Variants in EPM2A observed in about 807,000 individuals in gnomAD.
EPM2A encodes the protein EPM2A glucan phosphatase, laforin, also known as laforin.
A neutral mutation model predicts 26.5 loss-of-function variants in EPM2A; 21 were observed. The observed-to-expected ratio is 0.79, with a 90% CI of 0.56 to 1.14. The LOEUF (loss-of-function observed/expected upper bound fraction) is 1.14, where lower values mean the gene tolerates loss of function less well. Among genes scored for constraint, EPM2A ranks in the 50% most tolerant of loss-of-function variants. The pLI is 0.00. For synonymous variants in EPM2A, 217 were observed against 177.6 expected, an observed-to-expected ratio of 1.22 and a Z score of -1.76; for missense variants, 458 against 440.8, an observed-to-expected ratio of 1.04 and a Z score of -0.35.
intron 1 of EPM2A, among the ~76,000 whole-genome samples, chr6:145,700,731 C>G (rs752107743): frequency 6.6e-4 from 101 of 152,242 alleles, no homozygotes; most frequent in South Asian, 1.4e-3. Context: ...CATTTAATTC[C>G]ATCCTAACCC....
At chr6:145,428,792 A>T (rs1015346344) in intron 4 of EPM2A, among the ~76,000 whole-genome samples, 1 of 152,246 alleles carries the variant, frequency 6.6e-6, no homozygotes, top group Admixed American at 6.5e-5. Context: ...TATCTTCTTC[A>T]TCGCACAGTA....
chr6:145,435,086 C>G (rs992224414), intron 4 of EPM2A, among the ~76,000 whole-genome samples: 6 of 152,122 alleles, frequency 3.9e-5, no homozygotes, highest in African/African-American at 4.8e-5. Context: ...GATACTGGCC[C>G]CATGCTTGTA....
At chr6:145,648,743 A>G (rs1169873733) in intron 2 of EPM2A, among the ~76,000 whole-genome samples, 1 of 152,234 alleles carries the variant, frequency 6.6e-6, no homozygotes, top group East Asian at 1.9e-4. Context: ...AGGTTTAGGA[A>G]TCACTGATTC....
rs563073271 is a variant in EPM2A, at chr6:145,417,536, C to T, written c.556-33439G>A. On this transcript the variant is annotated intron_variant, in intron 4 of 4. Transcript: ENST00000638717. Reference sequence around the variant, plus strand: ...TATGCAGGCAGGAAAAATAACCCTCCCAGAAAAGAACTTTAAGATGAAATT... The same window carrying T: ...TATGCAGGCAGGAAAAATAACCCTCTCAGAAAAGAACTTTAAGATGAAATT... 2.6e-4 allele frequency among the ~76,000 whole-genome samples: 39 copies of T among 152,150 alleles called. 1 individual carries two copies. In the South Asian group the frequency reaches 7.5e-3, roughly 29 times the overall value.
chr6:145,599,299 T>C (rs923558444), intron 2 of EPM2A, among the ~76,000 whole-genome samples: 1 of 152,236 alleles, frequency 6.6e-6, no homozygotes, highest in Non-Finnish European at 1.5e-5. Flanking sequence ...TCTTTCATAA[T>C]TTCTTCCTCA....
chr6:145,579,865 T>G (rs1242461909), intron 2 of EPM2A, among the ~76,000 whole-genome samples: 2 of 152,154 alleles, frequency 1.3e-5, no homozygotes, highest in Non-Finnish European at 2.9e-5. Flanking sequence ...TGTTATTTTA[T>G]TGGTTGCTAT....
chr6:145,475,872 TGAAA>T (rs1157793598), intron 4 of EPM2A, among the ~76,000 whole-genome samples: 1 of 151,226 alleles, frequency 6.6e-6, no homozygotes, highest in Non-Finnish European at 1.5e-5. Context: ...AAGACAGAAA[TGAAA>T]GAAAGAAGAC....
At chr6:145,537,588 T>G (rs1038534735) in intron 2 of EPM2A, among the ~76,000 whole-genome samples, 10 of 151,794 alleles carry the variant, frequency 6.6e-5, no homozygotes, top group Non-Finnish European at 1.0e-4. Flanking sequence ...GAGGTTTTTT[T>G]TTTTTTTTTT....
At chr6:145,596,123 ATCAG>A (rs1410567581) in intron 2 of EPM2A, among the ~76,000 whole-genome samples, 2 of 152,232 alleles carry the variant, frequency 1.3e-5, no homozygotes, top group Non-Finnish European at 2.9e-5. Flanking sequence ...GTATTATCAT[ATCAG>A]TAATACTTGT....
At chr6:145,650,962 T>C in intron 2 of EPM2A, among the ~76,000 whole-genome samples, 1 of 152,168 alleles carries the variant, frequency 6.6e-6, no homozygotes, top group South Asian at 2.1e-4. Context: ...GGTAGGGCTG[T>C]GGGAAATGGA....
intron 1 of EPM2A, among the ~76,000 whole-genome samples, chr6:145,718,329 T>C (rs1330182563): frequency 6.8e-6 from 1 of 146,380 alleles, no homozygotes. Flanking sequence ...TCTACAACTA[T>C]CTGATCTTTG....
At chr6:145,459,263 G>A (rs1779299045) in intron 4 of EPM2A, among the ~76,000 whole-genome samples, 1 of 152,142 alleles carries the variant, frequency 6.6e-6, no homozygotes, top group Non-Finnish European at 1.5e-5. Context: ...GCAAGCCAAG[G>A]CTGAGGCCTA....
chr6:145,551,846 T>C (rs1582846219), intron 2 of EPM2A, among the ~76,000 whole-genome samples: 2 of 151,016 alleles, frequency 1.3e-5, no homozygotes, highest in Admixed American at 6.7e-5. Flanking sequence ...AAACATTACG[T>C]TTTATGTACT....
chr6:145,486,165 C>T (rs1413983631), intron 4 of EPM2A, among the ~76,000 whole-genome samples: 1 of 152,178 alleles, frequency 6.6e-6, no homozygotes, highest in Non-Finnish European at 1.5e-5. Context: ...CCAAATAGAA[C>T]CTTCCAGAGG....
intron 2 of EPM2A, among the ~76,000 whole-genome samples, chr6:145,659,713 T>A (rs973391639): frequency 6.6e-6 from 1 of 152,192 alleles, no homozygotes; most frequent in African/African-American, 2.4e-5. Flanking sequence ...TTTAAGTTTG[T>A]CCTAAAGGTT....
rs66889564 is a variant in EPM2A at position 145,732,201 on chromosome 6, TTGTG to T, written c.301+2993_301+2996del. On this transcript the variant is annotated intron_variant, in intron 1 of 3. Coordinates refer to ENST00000367519, the MANE Select transcript of EPM2A (RefSeq NM_005670.4). Reference sequence around the variant, plus strand: ...AAAGTCTCAGGTTTACAGCTAAGACTTGTGTGTGTGTGTGTGTGTGTGTGTGTGT... The same window carrying T: ...AAAGTCTCAGGTTTACAGCTAAGACTTGTGTGTGTGTGTGTGTGTGTGTGT... Among the ~76,000 whole-genome samples, 566 of 138,432 alleles carry T rather than the reference TTGTG, an allele frequency of 4.1e-3. 5 individuals carry two copies. The highest frequency in any genetic ancestry group is 0.025 in the East Asian group (117 of 4,742). 90.8% of individuals were successfully genotyped at this position (138,432 alleles called of 152,430 possible). A position where few individuals can be genotyped will look rare whatever the true frequency, so the allele number is the denominator to read the frequency against.
chr6:145,690,338 G>A (rs1319602206), intron 1 of EPM2A, among the ~76,000 whole-genome samples: 3 of 151,520 alleles, frequency 2.0e-5, no homozygotes, highest in African/African-American at 2.4e-5. Context: ...GTGAAACCCC[G>A]TCTCTACTAA....
At chr6:145,716,227 G>C (rs759967447) in intron 1 of EPM2A, among the ~76,000 whole-genome samples, 2 of 152,150 alleles carry the variant, frequency 1.3e-5, no homozygotes, top group Non-Finnish European at 2.9e-5. Flanking sequence ...AGAATCCATA[G>C]GGACAGAAGG....
rs924983907 is a variant in EPM2A at position 145,723,165 on chromosome 6, A to G, written c.301+12033T>C. On this transcript the variant is annotated intron_variant, in intron 1 of 3. Transcript: ENST00000367519. Reference sequence around the variant, plus strand: ...CATAAATGCTGTAGCACAAAAGGTAATATGAAATGAAGGTAAATTACAGTT... The same window carrying G: ...CATAAATGCTGTAGCACAAAAGGTAGTATGAAATGAAGGTAAATTACAGTT... 2.6e-5 allele frequency among the ~76,000 whole-genome samples: 4 copies of G among 152,320 alleles called. No individual in the cohort carries two copies. The South Asian group carries it at 8.3e-4, about 32-fold the overall frequency.
Sources: allele counts gnomAD v4.1 joint callset (sites outside exome capture counted in the v4.1 genomes callset), GRCh38; gene constraint gnomAD v4.1.1; transcripts MANE v1.5; gene names NCBI Gene and HGNC (gene_info 2026-07-23, HGNC 2026-07-21).